The following ROR1 variants were observed in gnomAD, a reference collection of about 807,000 sequenced individuals.
ROR1 encodes the protein inactive tyrosine-protein kinase transmembrane receptor ROR1.
Under a neutral mutation model 78.8 loss-of-function variants are expected in ROR1, and 19 were observed. The observed-to-expected ratio is 0.24, with a 90% CI of 0.17 to 0.35. The LOEUF is 0.35. Ranked by LOEUF, ROR1 falls within the 10% of genes least tolerant of loss-of-function variation. ROR1 has a pLI of 1.00. For synonymous variants in ROR1, 386 were observed against 433.6 expected, an observed-to-expected ratio of 0.89 and a Z score of 1.36; for missense variants, 917 against 1,177.8, an observed-to-expected ratio of 0.78 and a Z score of 3.24.
chr1:63,916,916 G>A (rs1645613270), intron 1 of ROR1, among the ~76,000 whole-genome samples: 1 of 152,226 alleles, frequency 6.6e-6, no homozygotes, highest in Non-Finnish European at 1.5e-5. Context: ...TCTCTCTGCA[G>A]TTGCTCAGGC....
intron 4 of ROR1, among the ~76,000 whole-genome samples, chr1:64,121,899 T>C (rs1012680950): frequency 6.6e-6 from 1 of 152,186 alleles, no homozygotes; most frequent in African/African-American, 2.4e-5. Flanking sequence ...TAGTAGACCT[T>C]ATGGCATTTC....
chr1:63,890,882 G>T (rs1174467492), intron 1 of ROR1, among the ~76,000 whole-genome samples: 2 of 152,122 alleles, frequency 1.3e-5, no homozygotes, highest in Non-Finnish European at 2.9e-5. Flanking sequence ...ATACCACGCT[G>T]AACATGCCCG....
chr1:63,933,120 C>T (rs1162205056), intron 1 of ROR1, among the ~76,000 whole-genome samples: 1 of 152,102 alleles, frequency 6.6e-6, no homozygotes, highest in Non-Finnish European at 1.5e-5. Flanking sequence ...AAATTAAACA[C>T]TGTGGAGGGA....
At chr1:63,837,305 G>T (rs1299174049) in intron 1 of ROR1, among the ~76,000 whole-genome samples, 2 of 152,096 alleles carry the variant, frequency 1.3e-5, no homozygotes, top group Admixed American at 6.6e-5. Flanking sequence ...TTCAGATTGT[G>T]TTATGGCTGG....
At chr1:63,838,558 A>G (rs1342904084) in intron 1 of ROR1, among the ~76,000 whole-genome samples, 1 of 152,170 alleles carries the variant, frequency 6.6e-6, no homozygotes, top group East Asian at 1.9e-4. Flanking sequence ...CAGCTATACA[A>G]TGTGTTTATG....
intron 1 of ROR1, among the ~76,000 whole-genome samples, chr1:63,827,195 TG>T (rs1036113741): frequency 3.3e-4 from 50 of 152,324 alleles, no homozygotes; most frequent in African/African-American, 1.2e-3. Flanking sequence ...AGACCTTTGC[TG>T]GGTGCATAGT....
chr1:64,027,140 G>A lies in ROR1; in HGVS notation c.163+17764G>A, dbSNP rs1193195029. On this transcript the variant is annotated intron_variant, in intron 2 of 8. Transcript: ENST00000371079. ...GTATATGGACACCTAAACCTCATGA[G>A]GTTGATTTGAGAATTACAGGAGATC... Among the ~76,000 whole-genome samples, 3 of 152,158 alleles carry A rather than the reference G, an allele frequency of 2.0e-5. No homozygotes were observed. In the East Asian group the frequency reaches 5.8e-4, roughly 29 times the overall value.
chr1:63,893,115 G>A (rs1389173934), intron 1 of ROR1, among the ~76,000 whole-genome samples: 1 of 152,114 alleles, frequency 6.6e-6, no homozygotes, highest in Admixed American at 6.6e-5. Flanking sequence ...GTGTTTCTTC[G>A]AGGGGAGATT....
intron 7 of ROR1, among the ~76,000 whole-genome samples, chr1:64,147,297 A>G (rs1260574911): frequency 6.6e-6 from 1 of 152,214 alleles, no homozygotes; most frequent in Non-Finnish European, 1.5e-5. Context: ...TACTAGTCAC[A>G]TGAGAGATGA....
rs569751951 is a variant in ROR1 at position 63,818,067 on chromosome 1, T to C, written c.91+43559T>C. On this transcript the variant is annotated intron_variant, in intron 1 of 8. Coordinates refer to ENST00000371079, the MANE Select transcript of ROR1 (RefSeq NM_005012.4). The stretch of plus-strand genomic sequence containing the variant: ...CCTGTGAGATACGTATTATTATTGC[T>C]GTTTTGAGGATGAGAATACTGAGAT... Among the ~76,000 whole-genome samples the C allele has an allele frequency of 3.5e-4, 53 of 152,360 alleles. No homozygotes were observed. In the Middle Eastern group the frequency reaches 0.01, roughly 29 times the overall value.
intron 1 of ROR1, among the ~76,000 whole-genome samples, chr1:63,796,778 G>A (rs1454150382): frequency 6.6e-6 from 1 of 152,158 alleles, no homozygotes; most frequent in Non-Finnish European, 1.5e-5. Flanking sequence ...GAGGAGAGGA[G>A]GAGTTGCAGA....
intron 8 of ROR1, among the ~76,000 whole-genome samples, chr1:64,160,926 G>A (rs942588950): frequency 3.3e-5 from 5 of 152,194 alleles, no homozygotes; most frequent in Admixed American, 2.0e-4. Context: ...TCATTGCCAG[G>A]GCAGGAACCA....
At chr1:63,885,694 A>G (rs1177724262) in intron 1 of ROR1, among the ~76,000 whole-genome samples, 3 of 152,120 alleles carry the variant, frequency 2.0e-5, no homozygotes, top group Non-Finnish European at 4.4e-5. Context: ...TTGCTTCCTG[A>G]AAGCATTTTT....
chr1:64,078,933 C>T (rs1341377811), intron 4 of ROR1, among the ~76,000 whole-genome samples: 2 of 151,892 alleles, frequency 1.3e-5, no homozygotes, highest in African/African-American at 2.4e-5. Context: ...CTCTTGATTT[C>T]GAGGAAGGAG....
In ROR1 at chr1:63,888,489, T is replaced by G. The variant is rs564927517; in HGVS notation, c.91+113981T>G. Among the ~76,000 whole-genome samples, 16 of 152,090 alleles carry G rather than the reference T, an allele frequency of 1.1e-4. No individual in the cohort carries two copies. In the South Asian group the frequency reaches 3.1e-3, roughly 30 times the overall value. Reference sequence around the variant, plus strand: ...AACTTTAAAAATTAGCTGGGCATGGTGCATGTGCCTGTGGTCCCAGCTACT... The same window carrying G: ...AACTTTAAAAATTAGCTGGGCATGGGGCATGTGCCTGTGGTCCCAGCTACT... On this transcript the variant is annotated intron_variant, in intron 1 of 8. Coordinates refer to ENST00000371079, the MANE Select transcript of ROR1 (RefSeq NM_005012.4).
intron 4 of ROR1, among the ~76,000 whole-genome samples, chr1:64,090,163 T>C (rs2100642959): frequency 6.6e-6 from 1 of 152,262 alleles, no homozygotes; most frequent in Non-Finnish European, 1.5e-5. Context: ...AATACAGAAG[T>C]CTTCTGCATA....
intron 1 of ROR1, among the ~76,000 whole-genome samples, chr1:63,876,645 G>GGTGTGTGTGT (rs367954652): frequency 1.1e-4 from 15 of 130,658 alleles, no homozygotes; most frequent in Middle Eastern, 3.8e-3. Context: ...CCACGAAAGG[G>GGTGTGTGTGT]GTGTGTGTGT....
At chr1:63,924,336 T>C (rs1021830798) in intron 1 of ROR1, among the ~76,000 whole-genome samples, 1 of 152,184 alleles carries the variant, frequency 6.6e-6, no homozygotes, top group African/African-American at 2.4e-5. Context: ...TAAGAGGCAC[T>C]CAGCAAATAT....
At position 64,179,549 on chromosome 1, in the gene ROR1, C is replaced by G. The variant is rs1650494757; in HGVS notation, c.*694C>G. The G allele has an allele frequency of 1.3e-5, 2 of 152,180 alleles. No individual in the cohort carries two copies. 9.4% of individuals were successfully genotyped at this position (152,180 alleles called of 1,614,324 possible). A position where few individuals can be genotyped will look rare whatever the true frequency, so the allele number is the denominator to read the frequency against. On this transcript the variant is annotated 3_prime_UTR_variant, in exon 9 of 9. Coordinates refer to ENST00000371079, the MANE Select transcript of ROR1 (RefSeq NM_005012.4). ...GTTTCTCACAGTGTGTTTACACTGC[C>G]CTTGGAATAACACAGCGCATCAGAC... is the stretch of plus-strand genomic sequence containing the variant.
Sources: gnomAD v4.1 joint callset for allele counts (sites outside exome capture counted in the v4.1 genomes callset) on GRCh38, gnomAD v4.1.1 for gene constraint, MANE v1.5 for transcripts, NCBI Gene and HGNC (gene_info 2026-07-23, HGNC 2026-07-21) for gene names.